The following KYNU variants were observed in gnomAD, a reference collection of about 807,000 sequenced individuals.
The protein encoded by KYNU is L-kynurenine hydrolase.
In KYNU, 54 loss-of-function variants were observed where a neutral mutation model predicts 59.2. The observed-to-expected ratio is 0.91, with a 90% CI of 0.73 to 1.14. The LOEUF (loss-of-function observed/expected upper bound fraction) is 1.14, where lower values mean the gene tolerates loss of function less well. Among genes scored for constraint, KYNU ranks in the 50% most tolerant of loss-of-function variants. KYNU has a pLI of 0.00. For synonymous variants in KYNU, 177 were observed against 192.0 expected (o/e 0.92, Z 0.65); for missense variants, 567 against 554.4 (o/e 1.02, Z -0.23).
chr2:142,893,456 G>C (rs1346430744), intron 2 of KYNU, among the ~76,000 whole-genome samples: 8 of 152,184 alleles, frequency 5.3e-5, no homozygotes, highest in Non-Finnish European at 8.8e-5. Context: ...AACTTTAACA[G>C]CTTCACTGGA....
At chr2:142,950,355 A>G (rs550674290) in intron 4 of KYNU, among the ~76,000 whole-genome samples, 58 of 152,320 alleles carry the variant, frequency 3.8e-4, no homozygotes, top group Non-Finnish European at 6.9e-4. Flanking sequence ...CATGCTGCTG[A>G]TAAAGACATA....
At chr2:142,925,314 CT>C (rs1473853798) in intron 3 of KYNU, among the ~76,000 whole-genome samples, 1 of 152,210 alleles carries the variant, frequency 6.6e-6, no homozygotes, top group African/African-American at 2.4e-5. Context: ...ACAATTGCCC[CT>C]CTCTTCCATC....
chr2:142,947,054 C>CA, intron 4 of KYNU: 1 of 1,550,304 alleles, frequency 6.5e-7, no homozygotes, highest in Non-Finnish European at 8.7e-7. Context: ...CACCCTTCCC[C>CA]AAGCAACTCC....
intron 8 of KYNU, among the ~76,000 whole-genome samples, chr2:142,964,501 G>C (rs1015779645): frequency 6.6e-6 from 1 of 152,122 alleles, no homozygotes; most frequent in Non-Finnish European, 1.5e-5. Flanking sequence ...GGTAATGCGT[G>C]GCAGTTTTAT....
At chr2:143,006,126 G>A (rs1010157997) in intron 10 of KYNU, among the ~76,000 whole-genome samples, 4 of 152,206 alleles carry the variant, frequency 2.6e-5, no homozygotes, top group African/African-American at 9.6e-5. Flanking sequence ...GGTGATTTCT[G>A]CATTTCCATC....
chr2:142,988,622 T>C (rs577691472), intron 10 of KYNU, among the ~76,000 whole-genome samples: 3 of 152,054 alleles, frequency 2.0e-5, no homozygotes, highest in African/African-American at 7.2e-5. Flanking sequence ...TAGCTGTTGT[T>C]GCATTTTAAC....
chr2:142,976,991 G>C (rs1245975187), intron 8 of KYNU, among the ~76,000 whole-genome samples: 1 of 152,040 alleles, frequency 6.6e-6, no homozygotes, highest in African/African-American at 2.4e-5. Context: ...TTCCAGTAAG[G>C]GGCTGTGGAC....
chr2:142,927,813 C>T, intron 4 of KYNU, 72 bp downstream of exon 4: 1 of 1,024,096 alleles, frequency 9.8e-7, no homozygotes, highest in Non-Finnish European at 1.6e-6. Flanking sequence ...AACACAGGCT[C>T]ATAAAGTCAA....
intron 4 of KYNU, among the ~76,000 whole-genome samples, chr2:142,954,313 G>A (rs1359627439): frequency 6.6e-6 from 1 of 152,024 alleles, no homozygotes; most frequent in Non-Finnish European, 1.5e-5. Flanking sequence ...CTATGCGGCT[G>A]TTTTGTCTTG....
rs184776654 is a variant in KYNU at position 142,907,587 on chromosome 2, T to C, written c.170-11022T>C. Reference sequence around the variant, plus strand: ...AAGAAGAGTGTGCAGTTGCAAGATTTAATAGACTGAAAACAGAGCTCCCAT... The same window carrying C: ...AAGAAGAGTGTGCAGTTGCAAGATTCAATAGACTGAAAACAGAGCTCCCAT... On this transcript the variant is annotated intron_variant, in intron 2 of 13. Transcript: ENST00000264170. 2.7e-3 allele frequency among the ~76,000 whole-genome samples: 404 copies of C among 152,190 alleles called. 10 individuals carry two copies. The highest frequency in any genetic ancestry group is 0.024 in the Admixed American group (368 of 15,290).
At chr2:142,909,125 T>A (rs1252837821) in intron 2 of KYNU, among the ~76,000 whole-genome samples, 1 of 151,824 alleles carries the variant, frequency 6.6e-6, no homozygotes, top group Non-Finnish European at 1.5e-5. Flanking sequence ...TGGCTAGTGT[T>A]GATGCTATTA....
At chr2:142,916,410 A>G (rs1356006311) in intron 2 of KYNU, among the ~76,000 whole-genome samples, 1 of 152,182 alleles carries the variant, frequency 6.6e-6, no homozygotes, top group Non-Finnish European at 1.5e-5. Flanking sequence ...TAATCCTATC[A>G]TAACAAAAAA....
chr2:142,909,832 TG>T (rs1682420551), intron 2 of KYNU, among the ~76,000 whole-genome samples: 1 of 152,190 alleles, frequency 6.6e-6, no homozygotes, highest in South Asian at 2.1e-4. Context: ...ATGGGGTTGC[TG>T]GGTCAAATAG....
In KYNU at chr2:143,051,065, T is replaced by G. The variant is rs528021561; in HGVS notation, c.*8893T>G. 6.6e-6 allele frequency: 1 copy of G among 152,352 alleles called. No individual in the cohort carries two copies. The highest frequency in any genetic ancestry group is 1.9e-4 in the East Asian group (1 of 5,192). 9.4% of individuals were successfully genotyped at this position (152,352 alleles called of 1,614,324 possible). ...ATTTTATTTTTAATTTCAGCAAGAT[T>G]TAGTCTCAAATAACACAATAATAAT... On this transcript the variant is annotated 3_prime_UTR_variant, in exon 14 of 14. Coordinates refer to ENST00000264170, the MANE Select transcript of KYNU (RefSeq NM_003937.3).
intron 10 of KYNU, among the ~76,000 whole-genome samples, chr2:143,020,765 T>G (rs923695454): frequency 6.6e-6 from 1 of 152,202 alleles, no homozygotes; most frequent in African/African-American, 2.4e-5. Flanking sequence ...TATACATAAT[T>G]TACTTCATAC....
chr2:142,909,236 T>C (rs116448848), intron 2 of KYNU, among the ~76,000 whole-genome samples: 1,852 of 152,282 alleles, frequency 0.012, 30 homozygotes, highest in African/African-American at 0.041. Flanking sequence ...ACAAAGACTT[T>C]AACATAATTA....
At chr2:142,896,621 A>T (rs925208127) in intron 2 of KYNU, among the ~76,000 whole-genome samples, 6 of 152,100 alleles carry the variant, frequency 3.9e-5, no homozygotes, top group African/African-American at 1.4e-4. Context: ...ATCATAGCTC[A>T]CTGCATCCTT....
intron 2 of KYNU, among the ~76,000 whole-genome samples, chr2:142,898,705 A>AGCTCCCAAGATGGGGCGGGCC (rs1168582964): frequency 6.6e-6 from 1 of 152,106 alleles, no homozygotes; most frequent in Non-Finnish European, 1.5e-5. Context: ...TTGTTCTTAG[A>AGCTCCCAAGATGGGGCGGGCC]GCTCCCAAGA....
intron 10 of KYNU, among the ~76,000 whole-genome samples, chr2:142,999,186 G>T (rs2452477): frequency 0.21 from 32,408 of 151,894 alleles, 3,951 homozygotes; most frequent in African/African-American, 0.32. Context: ...TGCATTTTCT[G>T]TGAATATCCT....
Sources: gnomAD v4.1 joint callset for allele counts (sites outside exome capture counted in the v4.1 genomes callset) on GRCh38, gnomAD v4.1.1 for gene constraint, MANE v1.5 for transcripts, NCBI Gene and HGNC (gene_info 2026-07-23, HGNC 2026-07-21) for gene names.